Variants in DCAF17 observed in about 807,000 individuals in gnomAD.
The protein encoded by DCAF17 is DDB1 and CUL4 associated factor 17.
A neutral mutation model predicts 66.0 loss-of-function variants in DCAF17; 48 were observed. The ratio of observed to expected loss-of-function variants is 0.73; its 90% confidence interval spans 0.58 to 0.92. DCAF17 has a LOEUF of 0.92. DCAF17 is among the 40% of genes least tolerant of loss of function. The pLI, the probability that DCAF17 is intolerant of heterozygous loss-of-function variation, is 0.00. For missense variants in DCAF17, 562 were observed against 622.8 expected, an observed-to-expected ratio of 0.90 and a Z score of 1.04; for synonymous variants, 206 against 214.6, an observed-to-expected ratio of 0.96 and a Z score of 0.35.
intron 4 of DCAF17, 52 bp downstream of exon 4, chr2:171,448,869 T>C: frequency 2.6e-6 from 4 of 1,534,012 alleles, no homozygotes; most frequent in Non-Finnish European, 3.6e-6. Flanking sequence ...ATTTGAAACC[T>C]GTGGCCCATG....
chr2:171,437,027 G>T lies in DCAF17; in HGVS notation c.230+1841G>T, dbSNP rs578039786. On this transcript the variant is annotated intron_variant, in intron 2 of 13. Coordinates refer to ENST00000375255, the MANE Select transcript of DCAF17 (RefSeq NM_025000.4). ...AGCTTCAGGTGATCCGGCCACCTCG[G>T]CCTCCCAAAGTGCTGGGATTACAGG... 2.0e-5 allele frequency among the ~76,000 whole-genome samples: 3 copies of T among 152,044 alleles called. No individual in the cohort carries two copies. In the East Asian group the frequency reaches 5.8e-4, roughly 29 times the overall value.
rs1272594862 is a variant in DCAF17, at chr2:171,485,035, A to T, written c.*3921A>T. The T allele has an allele frequency of 4.4e-6, 2 of 453,222 alleles. No homozygotes were observed. Among genetic ancestry groups the T allele is most frequent in the Admixed American group, 4.7e-5 (2 of 42,388 alleles). The allele number at this position is 453,222 out of a possible 1,614,324, so 28.1% of individuals were successfully genotyped here. On this transcript the variant is annotated 3_prime_UTR_variant, in exon 14 of 14. Coordinates refer to ENST00000375255, the MANE Select transcript of DCAF17 (RefSeq NM_025000.4). Reference sequence around the variant, plus strand: ...TTTTACTGTTATGAATAAAGCTGCTATGAACATTCTTAGACAATTCTTTTG... The same window carrying T: ...TTTTACTGTTATGAATAAAGCTGCTTTGAACATTCTTAGACAATTCTTTTG...
chr2:171,434,747 G>A (rs967431707), intron 1 of DCAF17, 44 bp downstream of exon 1: 5 of 1,391,602 alleles, frequency 3.6e-6, no homozygotes, highest in Non-Finnish European at 4.6e-6. Flanking sequence ...CCGCGGGCGC[G>A]CGGCGGCCGA....
intron 5 of DCAF17, among the ~76,000 whole-genome samples, chr2:171,451,764 C>T (rs1040657941): frequency 7.2e-5 from 11 of 151,966 alleles, no homozygotes; most frequent in Admixed American, 3.3e-4. Flanking sequence ...TTACTAGAGA[C>T]GGGGTTTCAC....
At chr2:171,468,421 C>A (rs1238760441) in intron 8 of DCAF17, among the ~76,000 whole-genome samples, 1 of 152,072 alleles carries the variant, frequency 6.6e-6, no homozygotes, top group Non-Finnish European at 1.5e-5. Context: ...CCTGAGTATA[C>A]CTGTTAGTCC....
chr2:171,434,845 T>C, intron 1 of DCAF17, 142 bp downstream of exon 1: 1 of 1,292,388 alleles, frequency 7.7e-7, no homozygotes. Flanking sequence ...GCCCGGAATC[T>C]GGGATAGGTG....
intron 8 of DCAF17, among the ~76,000 whole-genome samples, chr2:171,462,160 T>C (rs1695624240): frequency 6.6e-6 from 1 of 152,160 alleles, no homozygotes; most frequent in African/African-American, 2.4e-5. Flanking sequence ...TTTATCTCAG[T>C]GTGGGGAAGA....
rs1233263523 is a variant in DCAF17 at position 171,482,617 on chromosome 2, T to G, written c.*1503T>G. 2.2e-6 allele frequency: 1 copy of G among 454,080 alleles called. No individual in the cohort carries two copies. Among genetic ancestry groups the G allele is most frequent in the South Asian group, 1.6e-5 (1 of 64,478 alleles). The allele number at this position is 454,080 out of a possible 1,614,324, so 28.1% of individuals were successfully genotyped here. On this transcript the variant is annotated 3_prime_UTR_variant, in exon 14 of 14. Transcript: ENST00000375255. ...TAAAAGTAGAGTGTTCATTCTCCAT[T>G]TCCAAGAGTGTTTCAGAATAGGATG...
chr2:171,471,348 G>A lies in DCAF17; in HGVS notation c.981+2318G>A, dbSNP rs566474935. 3.3e-5 allele frequency among the ~76,000 whole-genome samples: 5 copies of A among 152,278 alleles called. No homozygotes were observed. In the South Asian group the frequency reaches 8.3e-4, roughly 25 times the overall value. On this transcript the variant is annotated intron_variant, in intron 9 of 13. Transcript: ENST00000375255. ...TTCATAGCTTTCTCTATTAAACTGA[G>A]CTTTAAAATCTAACATTTGAGCAAA... is the stretch of plus-strand genomic sequence containing the variant.
Position 171,434,624 on chromosome 2 carries a change from G to C in DCAF17, c.47G>C (p.Arg16Pro). The C allele has an allele frequency of 1.3e-6, 2 of 1,531,086 alleles. No homozygotes were observed. The highest frequency in any genetic ancestry group is 1.7e-6 in the Non-Finnish European group (2 of 1,146,728). 94.8% of individuals were successfully genotyped at this position (1,531,086 alleles called of 1,614,324 possible). The change falls in exon 1 of 14, where the codon CGG becomes CCG. Residue 16 changes from arginine to proline, a missense_variant. Transcript: ENST00000375255. ...AACGTGTGCAGCCGGCTGAGTCGCCGGGCGCTGGGCTGCTTCTCGCGCGAC... is the reference window on the plus strand; with the variant it reads ...AACGTGTGCAGCCGGCTGAGTCGCCCGGCGCTGGGCTGCTTCTCGCGCGAC... ...KPNVCSRLSR[R>P]ALGCFSRDAG...
In DCAF17 at chr2:171,434,236, G is replaced by T. The variant is rs1693569993; in HGVS notation, c.-342G>T. The T allele has an allele frequency of 4.4e-6, 2 of 456,104 alleles. No homozygotes were observed. The highest frequency in any genetic ancestry group is 8.8e-6 in the Non-Finnish European group (2 of 228,032). 28.3% of individuals were successfully genotyped at this position (456,104 alleles called of 1,614,324 possible). A position where few individuals can be genotyped will look rare whatever the true frequency, so the allele number is the denominator to read the frequency against. ...AATTGTAGTTCCTGGGAGAAGCCGG[G>T]CTGCCTCACGAGGCACTAGGAACTA... On this transcript the variant is annotated 5_prime_UTR_variant, in exon 1 of 14. Coordinates refer to ENST00000375255, the MANE Select transcript of DCAF17 (RefSeq NM_025000.4).
intron 2 of DCAF17, among the ~76,000 whole-genome samples, chr2:171,442,817 T>A (rs1694382005): frequency 6.6e-6 from 1 of 151,558 alleles, no homozygotes; most frequent in Non-Finnish European, 1.5e-5. Flanking sequence ...GAGGTGGAGG[T>A]TGAAGTGAGC....
chr2:171,473,445 A>C (rs182384534), intron 9 of DCAF17, among the ~76,000 whole-genome samples: 1 of 152,048 alleles, frequency 6.6e-6, no homozygotes, highest in East Asian at 1.9e-4. Flanking sequence ...TCTCTATTTA[A>C]AAAAAAACAA....
chr2:171,451,579 T>C (rs1159895218), intron 5 of DCAF17, among the ~76,000 whole-genome samples: 1 of 152,174 alleles, frequency 6.6e-6, no homozygotes, highest in Non-Finnish European at 1.5e-5. Flanking sequence ...ATTTTTGTTT[T>C]GTTTTGTTTT....
intron 6 of DCAF17, among the ~76,000 whole-genome samples, chr2:171,453,763 T>TA (rs972758376): frequency 1.6e-4 from 24 of 149,298 alleles, no homozygotes; most frequent in African/African-American, 3.2e-4. Context: ...GATTCTACTT[T>TA]AAAAAAAAAA....
In DCAF17 at chr2:171,453,188, T is replaced by A. The variant is rs1283506359; in HGVS notation, c.602T>A (p.Val201Glu). 19 of 1,612,582 alleles carry A rather than the reference T, an allele frequency of 1.2e-5. No homozygotes were observed. The highest frequency in any genetic ancestry group is 1.3e-5 in the African/African-American group (1 of 74,912). ...TTCCGAGTTCTACCTTTTTCACTTG[T>A]AGGGATTCTAGAGATCAACAAAAAG... ...AVFRVLPFSLVGILEINKKIF... is the reference protein window; with the variant it reads ...AVFRVLPFSLEGILEINKKIF... The change falls in exon 6 of 14, where the codon GTA becomes GAA. Residue 201 changes from valine (V) to glutamate (E), a missense_variant. Physicochemically the swap from Val to Glu is moderately radical, Grantham distance 121. This residue lies in a region of DCAF17 where 348 missense variants were observed against 355.9 expected (regional missense o/e 0.98). Transcript: ENST00000375255.
intron 9 of DCAF17, among the ~76,000 whole-genome samples, chr2:171,469,557 C>T (rs561418749): frequency 3.2e-3 from 481 of 152,258 alleles, no homozygotes; most frequent in Middle Eastern, 0.017. Flanking sequence ...TTCTACCCTT[C>T]GAATTCATTT....
intron 9 of DCAF17, among the ~76,000 whole-genome samples, chr2:171,469,406 T>A (rs528061045): frequency 2.0e-5 from 3 of 152,212 alleles, no homozygotes; most frequent in African/African-American, 7.2e-5. Context: ...GGCTTGTTGC[T>A]CTTTGCCTTC....
Position 171,473,966 on chromosome 2 carries a change from A to G in DCAF17, c.1082A>G (p.Asn361Ser), listed in dbSNP as rs1459336410. The G allele has an allele frequency of 6.2e-7, 1 of 1,613,198 alleles. No homozygotes were observed. Among genetic ancestry groups the G allele is most frequent in the Non-Finnish European group, 8.5e-7 (1 of 1,179,364 alleles). ...GGTAGAATAATACATGTTGGTCCAAATCAAGTCAAGTGAGTAATCTCATTA... is the reference window on the plus strand; with the variant it reads ...GGTAGAATAATACATGTTGGTCCAAGTCAAGTCAAGTGAGTAATCTCATTA... ...ASGRIIHVGP[N>S]QVKVLKLTEI... Residue 361 changes from asparagine (N) to serine (S), a missense_variant, in exon 10 of 14, where the codon AAT (asparagine) becomes AGT (serine). Around this residue, in one of 3 missense-constraint regions of DCAF17, gnomAD observed 201 missense variants for 231.1 expected, o/e 0.87. Coordinates refer to ENST00000375255, the MANE Select transcript of DCAF17 (RefSeq NM_025000.4).
Sources: gnomAD v4.1 joint callset for allele counts (sites outside exome capture counted in the v4.1 genomes callset) on GRCh38, gnomAD v4.1.1 for gene constraint, gnomAD v4.1.1 regional missense constraint, MANE v1.5 for transcripts, NCBI Gene and HGNC (gene_info 2026-07-23, HGNC 2026-07-21) for gene names.